Variants in PTPRN2 observed in about 807,000 individuals in gnomAD.
PTPRN2 encodes receptor-type tyrosine-protein phosphatase N2.
In PTPRN2, 74 loss-of-function variants were observed where a neutral mutation model predicts 118.8. The ratio of observed to expected loss-of-function variants is 0.62; its 90% CI spans 0.52 to 0.76. The LOEUF is 0.76. PTPRN2 is among the 30% of genes least tolerant of loss of function. The pLI is 0.00. For missense variants in PTPRN2, 1,481 were observed against 1,394.4 expected, an observed-to-expected ratio of 1.06 and a Z score of -0.99; for synonymous variants, 641 against 608.0, an observed-to-expected ratio of 1.05 and a Z score of -0.80.
chr7:158,365,787 CCACACA>C (rs1223975910), intron 2 of PTPRN2, among the ~76,000 whole-genome samples: 1 of 96,024 alleles, frequency 1.0e-5, no homozygotes, highest in Admixed American at 1.3e-4. Context: ...ACACACACAC[CCACACA>C]CACACAGCAT....
chr7:158,546,325 C>T lies in PTPRN2; in HGVS notation c.112+41233G>A, dbSNP rs540087735. On this transcript the variant is annotated intron_variant, in intron 1 of 22. Coordinates refer to ENST00000389418, the MANE Select transcript of PTPRN2 (RefSeq NM_002847.5). This position sits in a 1 kb window ranked among gnomAD's most constrained non-coding sequence, Gnocchi z 5.0. ...CTTGAGCTTCACGCCTGCCCGGAGA[C>T]GGGGTCCGCGAGGTGCCAGCTTTGC... Among the ~76,000 whole-genome samples, 31 of 152,340 alleles carry T rather than the reference C, an allele frequency of 2.0e-4. No individual in the cohort carries two copies. The highest frequency in any genetic ancestry group is 8.3e-4 in the South Asian group (4 of 4,822).
At chr7:158,306,796 G>A (rs1411483443) in intron 3 of PTPRN2, among the ~76,000 whole-genome samples, 1 of 151,424 alleles carries the variant, frequency 6.6e-6, no homozygotes, top group Non-Finnish European at 1.5e-5. Context: ...AACAATAGAA[G>A]CTGTTCTTGG....
intron 15 of PTPRN2, among the ~76,000 whole-genome samples, chr7:157,604,420 C>T (rs1001337351): frequency 5.9e-5 from 9 of 152,222 alleles, no homozygotes; most frequent in African/African-American, 1.7e-4. Flanking sequence ...ACAAAGCTCC[C>T]GCTCAGCAGA....
intron 11 of PTPRN2, among the ~76,000 whole-genome samples, chr7:157,960,155 C>T (rs777223877): frequency 6.5e-5 from 7 of 107,466 alleles, no homozygotes; most frequent in Admixed American, 5.7e-4. Context: ...GAAAGTGGAA[C>T]GGTGGGTACC....
chr7:157,809,871 C>G (rs1472600542), intron 12 of PTPRN2, among the ~76,000 whole-genome samples: 1 of 152,224 alleles, frequency 6.6e-6, no homozygotes, highest in Non-Finnish European at 1.5e-5. Flanking sequence ...CTGGCCCAGT[C>G]CTGCTGGGCC....
chr7:157,888,333 C>T (rs1331612617), intron 12 of PTPRN2, among the ~76,000 whole-genome samples: 1 of 152,276 alleles, frequency 6.6e-6, no homozygotes, highest in East Asian at 1.9e-4. Context: ...ACTCTGACAC[C>T]TCAGGCTTTT....
chr7:158,337,128 G>A (rs80123851), intron 2 of PTPRN2, among the ~76,000 whole-genome samples: 1 of 56,612 alleles, frequency 1.8e-5, no homozygotes, highest in Non-Finnish European at 4.1e-5. Flanking sequence ...GCCCACAGAG[G>A]TCACTTACAG....
At chr7:158,310,524 T>C (rs1175371985) in intron 3 of PTPRN2, among the ~76,000 whole-genome samples, 1 of 152,212 alleles carries the variant, frequency 6.6e-6, no homozygotes, top group South Asian at 2.1e-4. Context: ...TTGGAAACAG[T>C]GCACCTCAGT....
intron 11 of PTPRN2, among the ~76,000 whole-genome samples, chr7:158,034,394 C>A (rs1230001319): frequency 6.6e-6 from 1 of 152,174 alleles, no homozygotes; most frequent in Non-Finnish European, 1.5e-5. Flanking sequence ...GTGGGAGGTA[C>A]CTGAATCATG....
intron 2 of PTPRN2, among the ~76,000 whole-genome samples, chr7:158,409,372 G>A (rs1813844907): frequency 6.6e-6 from 1 of 152,146 alleles, no homozygotes; most frequent in Admixed American, 6.5e-5. Context: ...CAGCTTAGGA[G>A]AGGACCTACC....
chr7:157,886,670 C>T (rs1046250494), intron 12 of PTPRN2, among the ~76,000 whole-genome samples: 2 of 152,226 alleles, frequency 1.3e-5, no homozygotes, highest in Non-Finnish European at 2.9e-5. Context: ...ATCGAAAATA[C>T]ATTTTTGTGT....
intron 2 of PTPRN2, among the ~76,000 whole-genome samples, chr7:158,317,465 TGGGACTAATG>T (rs1256603958): frequency 6.6e-6 from 1 of 152,228 alleles, no homozygotes; most frequent in African/African-American, 2.4e-5. Flanking sequence ...GCGAACGGTG[TGGGACTAATG>T]GGGACTAATT....
rs1803824170 is a variant in PTPRN2, at chr7:157,629,731, G to A, written c.2197-8222C>T. 3.3e-5 allele frequency among the ~76,000 whole-genome samples: 5 copies of A among 152,368 alleles called. No homozygotes were observed. In the South Asian group the frequency reaches 1.0e-3, roughly 32 times the overall value. ...GGCGTGTTAAAGAAAGCTGGGCTTT[G>A]GGGAACCCAGTCATTACTGGGAAGG... is the stretch of plus-strand genomic sequence containing the variant. On this transcript the variant is annotated intron_variant, in intron 14 of 22. Coordinates refer to ENST00000389418, the MANE Select transcript of PTPRN2 (RefSeq NM_002847.5). The surrounding 1 kb of genome is among the most constrained non-coding windows in gnomAD (Gnocchi z 4.4).
intron 11 of PTPRN2, among the ~76,000 whole-genome samples, chr7:158,071,381 G>T (rs1249672528): frequency 1.2e-4 from 11 of 92,914 alleles, no homozygotes; most frequent in South Asian, 4.4e-4. Context: ...TGGTGGAGGT[G>T]CTCGTGGTGG....
chr7:158,587,452 T>G, intron 1 of PTPRN2, 106 bp downstream of exon 1: 9 of 108,260 alleles, frequency 8.3e-5, no homozygotes, highest in Non-Finnish European at 8.2e-5. Context: ...CCCCGACCCC[T>G]CAGGGTGGCG....
chr7:158,207,562 C>CTAA (rs763075788), intron 3 of PTPRN2, among the ~76,000 whole-genome samples: 2 of 151,958 alleles, frequency 1.3e-5, no homozygotes, highest in Admixed American at 6.6e-5. Flanking sequence ...TGACAAAGGG[C>CTAA]TAATATCCAG....
At chr7:157,700,444 G>C (rs1798008320) in intron 12 of PTPRN2, among the ~76,000 whole-genome samples, 1 of 152,192 alleles carries the variant, frequency 6.6e-6, no homozygotes, top group South Asian at 2.1e-4. Context: ...ACGACAGCCT[G>C]TCCTGAATGT....
chr7:158,342,395 C>T (rs866013824), intron 2 of PTPRN2, among the ~76,000 whole-genome samples: 127 of 140,478 alleles, frequency 9.0e-4, no homozygotes, highest in African/African-American at 3.3e-3. Context: ...CATCTGCAGA[C>T]GTCACTCACA....
At chr7:158,487,597 G>A (rs1224170046) in intron 2 of PTPRN2, among the ~76,000 whole-genome samples, 2 of 152,126 alleles carry the variant, frequency 1.3e-5, no homozygotes, top group Non-Finnish European at 2.9e-5. Context: ...AAAGAGAGGG[G>A]GAAAGAGAGA....
Sources: allele counts gnomAD v4.1 joint callset (sites outside exome capture counted in the v4.1 genomes callset), GRCh38; gene constraint gnomAD v4.1.1; non-coding constraint Gnocchi (gnomAD v3.1); transcripts MANE v1.5; gene names NCBI Gene and HGNC (gene_info 2026-07-23, HGNC 2026-07-21).